Variants in ROBO1 observed in about 807,000 individuals in gnomAD.
ROBO1 encodes roundabout guidance receptor 1.
A neutral mutation model predicts 195.9 loss-of-function variants in ROBO1; 149 were observed. The ratio of observed to expected loss-of-function variants is 0.76; its 90% CI spans 0.67 to 0.87. The LOEUF is 0.87. ROBO1 is among the 40% of genes least tolerant of loss of function. The probability of loss-of-function intolerance (pLI) is 0.00; values close to 1 mark genes in which losing one functional copy is unlikely to be tolerated. For missense variants in ROBO1, 1,933 were observed against 2,068.3 expected (o/e 0.93, Z 1.27); for synonymous variants, 816 against 733.2 (o/e 1.11, Z -1.82).
chr3:79,724,526 A>C (rs1702834983), intron 1 of ROBO1, among the ~76,000 whole-genome samples: 1 of 152,280 alleles, frequency 6.6e-6, no homozygotes, highest in Admixed American at 6.5e-5. Context: ...GACTCCCTTT[A>C]TTATCTTCTT....
At chr3:78,925,846 T>C (rs1259950902) in intron 4 of ROBO1, among the ~76,000 whole-genome samples, 1 of 151,858 alleles carries the variant, frequency 6.6e-6, no homozygotes, top group East Asian at 1.9e-4. Flanking sequence ...GTGGAAGTGA[T>C]GGCTCTGCTG....
At chr3:79,257,398 CAGTAG>C (rs200880085) in intron 2 of ROBO1, among the ~76,000 whole-genome samples, 1,865 of 152,188 alleles carry the variant, frequency 0.012, 35 homozygotes, top group Non-Finnish European at 0.015. Context: ...TCTGGGGCAG[CAGTAG>C]AGTAAATTAG....
At position 79,427,779 on chromosome 3, in the gene ROBO1, C is replaced by CA. The variant is rs553185319; in HGVS notation, c.88+162044dup. ...CTAGACTGGTATCTCTCACCACATA[C>CA]AAAAATCACATCAAAATGGATTAAA... On this transcript the variant is annotated intron_variant, in intron 2 of 30. Coordinates refer to ENST00000464233, the MANE Select transcript of ROBO1 (RefSeq NM_002941.4). Among the ~76,000 whole-genome samples the CA allele has an allele frequency of 2.9e-3, 449 of 152,208 alleles. 2 individuals are homozygous for CA. The highest frequency in any genetic ancestry group is 9.4e-3 in the African/African-American group (391 of 41,540).
intron 3 of ROBO1, among the ~76,000 whole-genome samples, chr3:78,985,162 T>C (rs1450615096): frequency 2.0e-5 from 3 of 151,914 alleles, no homozygotes; most frequent in Non-Finnish European, 4.4e-5. Flanking sequence ...AAAAATAGCA[T>C]GGTGGTGCAT....
At chr3:78,999,871 G>T (rs140822014) in intron 3 of ROBO1, among the ~76,000 whole-genome samples, 2 of 151,964 alleles carry the variant, frequency 1.3e-5, no homozygotes, top group African/African-American at 2.4e-5. Context: ...GGGCAATCAC[G>T]CAAAACACAT....
intron 4 of ROBO1, among the ~76,000 whole-genome samples, chr3:78,810,825 A>C (rs1382486314): frequency 6.6e-6 from 1 of 152,174 alleles, no homozygotes; most frequent in African/African-American, 2.4e-5. Flanking sequence ...GTTAATGTTT[A>C]TTTAAACACT....
At chr3:78,934,292 AC>A (rs1282608903) in intron 4 of ROBO1, among the ~76,000 whole-genome samples, 2 of 152,012 alleles carry the variant, frequency 1.3e-5, no homozygotes, top group African/African-American at 2.4e-5. Flanking sequence ...AAGAGCCAGT[AC>A]ATTTTACAGT....
At chr3:79,594,003 GCTTGT>G (rs557004742) in intron 1 of ROBO1, among the ~76,000 whole-genome samples, 2 of 151,982 alleles carry the variant, frequency 1.3e-5, no homozygotes, top group South Asian at 4.1e-4. Flanking sequence ...CCAGTGTGTG[GCTTGT>G]CTTATTTTTC....
intron 3 of ROBO1, among the ~76,000 whole-genome samples, chr3:79,075,307 C>T (rs555898465): frequency 6.6e-6 from 1 of 151,988 alleles, no homozygotes; most frequent in South Asian, 2.1e-4. Context: ...ATATAGCTTC[C>T]TACATAGGTA....
chr3:78,826,221 A>G (rs759525319), intron 4 of ROBO1, among the ~76,000 whole-genome samples: 44 of 152,356 alleles, frequency 2.9e-4, no homozygotes, highest in South Asian at 2.1e-4. Flanking sequence ...TTACTCCTTT[A>G]GTCTCATGTA....
chr3:79,145,360 T>TACAC (rs1319650356), intron 2 of ROBO1, among the ~76,000 whole-genome samples: 10 of 22,142 alleles, frequency 4.5e-4, no homozygotes, highest in African/African-American at 1.9e-3. Context: ...ATGCCAGAAA[T>TACAC]ACACACACAC....
intron 3 of ROBO1, among the ~76,000 whole-genome samples, chr3:78,993,224 A>C (rs2077278137): frequency 6.6e-6 from 1 of 152,206 alleles, no homozygotes; most frequent in Non-Finnish European, 1.5e-5. Context: ...ATATGATAAA[A>C]AGATTAATTT....
chr3:78,813,375 C>A (rs2084802739), intron 4 of ROBO1, among the ~76,000 whole-genome samples: 1 of 151,994 alleles, frequency 6.6e-6, no homozygotes, highest in Admixed American at 6.6e-5. Flanking sequence ...ATTTGAAAAT[C>A]ATTTCTTGGT....
chr3:79,514,891 A>G (rs1204623262), intron 2 of ROBO1, among the ~76,000 whole-genome samples: 6 of 152,250 alleles, frequency 3.9e-5, no homozygotes, highest in African/African-American at 7.2e-5. Flanking sequence ...TTTGCTGTCT[A>G]TCAAAAGAAT....
chr3:79,635,815 T>C (rs1271401293), intron 1 of ROBO1, among the ~76,000 whole-genome samples: 1 of 152,158 alleles, frequency 6.6e-6, no homozygotes, highest in Non-Finnish European at 1.5e-5. Flanking sequence ...TTATTGCACT[T>C]AGTTAGATAA....
At chr3:79,209,247 G>GT (rs1023707587) in intron 2 of ROBO1, among the ~76,000 whole-genome samples, 22 of 152,160 alleles carry the variant, frequency 1.4e-4, no homozygotes, top group Non-Finnish European at 2.1e-4. Flanking sequence ...GTGATATTTG[G>GT]TTTTCCATTG....
chr3:79,650,025 T>G (rs901110424), intron 1 of ROBO1, among the ~76,000 whole-genome samples: 2 of 152,000 alleles, frequency 1.3e-5, no homozygotes, highest in South Asian at 4.1e-4. Context: ...ATTTTAAGAT[T>G]TCTAAGACAC....
intron 29 of ROBO1, 128 bp downstream of exon 29, chr3:78,606,605 G>T: frequency 2.4e-6 from 2 of 839,254 alleles, no homozygotes; most frequent in Non-Finnish European, 3.9e-6. Flanking sequence ...TCGAGTACAT[G>T]CCTATCTCCT....
intron 2 of ROBO1, among the ~76,000 whole-genome samples, chr3:79,553,991 G>A (rs985638831): frequency 6.6e-6 from 1 of 152,042 alleles, no homozygotes; most frequent in Non-Finnish European, 1.5e-5. Context: ...GCTGATGGGA[G>A]ATAAATTAAT....
Sources: gnomAD v4.1 joint callset for allele counts (sites outside exome capture counted in the v4.1 genomes callset) on GRCh38, gnomAD v4.1.1 for gene constraint, MANE v1.5 for transcripts, NCBI Gene and HGNC (gene_info 2026-07-23, HGNC 2026-07-21) for gene names.